Variants in TNFSF4 observed in about 807,000 individuals in gnomAD.
TNFSF4 encodes the protein tumor necrosis factor ligand superfamily member 4.
A neutral mutation model predicts 7.3 loss-of-function variants in TNFSF4; 4 were observed. The observed-to-expected ratio is 0.55, with a 90% CI of 0.27 to 1.25. The LOEUF is 1.25. Ranked by LOEUF, TNFSF4 falls within the 50% of genes most tolerant of loss-of-function variation. The pLI, the probability that TNFSF4 is intolerant of heterozygous loss-of-function variation, is 0.12. For synonymous variants in TNFSF4, 76 were observed against 83.7 expected, an observed-to-expected ratio of 0.91 and a Z score of 0.50; for missense variants, 181 against 208.8, an observed-to-expected ratio of 0.87 and a Z score of 0.82.
the TNFSF4 span, among the ~76,000 whole-genome samples, chr1:173,361,016 T>C: frequency 1.1e-4 from 16 of 152,228 alleles, no homozygotes; most frequent in African/African-American, 2.9e-4. Flanking sequence ...CCTGGAAAGA[T>C]AGAGAGATGA....
chr1:173,234,598 T>A, the TNFSF4 span, among the ~76,000 whole-genome samples: 1 of 152,072 alleles, frequency 6.6e-6, no homozygotes, highest in African/African-American at 2.4e-5. Context: ...ATATACCCCA[T>A]GGAATACTAT....
At chr1:173,244,288 A>G in the TNFSF4 span, among the ~76,000 whole-genome samples, 1 of 152,212 alleles carries the variant, frequency 6.6e-6, no homozygotes, top group Non-Finnish European at 1.5e-5. Flanking sequence ...AGACAGTGCA[A>G]CAGTTCCTAA....
At chr1:173,291,051 G>A in the TNFSF4 span, among the ~76,000 whole-genome samples, 1,201 of 152,280 alleles carry the variant, frequency 7.9e-3, 10 homozygotes, top group Non-Finnish European at 1.0e-2. Context: ...ACCTGTGGCT[G>A]AGTAATTTAT....
chr1:173,192,276 G>A (rs1649521199), intron 1 of TNFSF4, among the ~76,000 whole-genome samples: 1 of 152,196 alleles, frequency 6.6e-6, no homozygotes, highest in Non-Finnish European at 1.5e-5. Flanking sequence ...GATGTTTATA[G>A]CAGCTTTGTT....
the TNFSF4 span, among the ~76,000 whole-genome samples, chr1:173,444,573 A>T: frequency 1.3e-5 from 2 of 152,058 alleles, no homozygotes; most frequent in African/African-American, 4.8e-5. Context: ...ATCCCTTTAA[A>T]GGAAAACATA....
the TNFSF4 span, among the ~76,000 whole-genome samples, chr1:173,441,699 G>A: frequency 5.9e-5 from 9 of 152,288 alleles, no homozygotes; most frequent in South Asian, 1.5e-3. Context: ...TAAAGTGGGC[G>A]CTTTAAACAG....
chr1:173,270,890 T>C, the TNFSF4 span, among the ~76,000 whole-genome samples: 1 of 152,114 alleles, frequency 6.6e-6, no homozygotes, highest in African/African-American at 2.4e-5. Context: ...TACATACCAA[T>C]GGAGTAGAAC....
the TNFSF4 span, among the ~76,000 whole-genome samples, chr1:173,250,708 C>T: frequency 6.6e-6 from 1 of 152,128 alleles, no homozygotes; most frequent in African/African-American, 2.4e-5. Context: ...ATCCGCCCAC[C>T]TCGGCCTCCC....
the TNFSF4 span, among the ~76,000 whole-genome samples, chr1:173,331,226 G>A: frequency 1.3e-5 from 2 of 152,240 alleles, no homozygotes; most frequent in Admixed American, 6.5e-5. Flanking sequence ...AAGATGTATA[G>A]TCTCAGAATG....
chr1:173,419,166 C>T, the TNFSF4 span, among the ~76,000 whole-genome samples: 1 of 151,964 alleles, frequency 6.6e-6, no homozygotes, highest in Non-Finnish European at 1.5e-5. Flanking sequence ...GGTGAAACCC[C>T]ATCTCTACCA....
the TNFSF4 span, among the ~76,000 whole-genome samples, chr1:173,383,682 T>C: frequency 2.7e-5 from 4 of 150,650 alleles, no homozygotes; most frequent in Non-Finnish European, 4.4e-5. Flanking sequence ...AATCATACTG[T>C]AGATTTTTTT....
chr1:173,368,705 A>G, the TNFSF4 span, among the ~76,000 whole-genome samples: 1 of 152,064 alleles, frequency 6.6e-6, no homozygotes, highest in South Asian at 2.1e-4. Flanking sequence ...GGTCCCGACA[A>G]CAAGTTGGTT....
intron 1 of TNFSF4, among the ~76,000 whole-genome samples, chr1:173,188,841 TAGC>T (rs1474371679): frequency 1.3e-5 from 2 of 152,098 alleles, no homozygotes; most frequent in Non-Finnish European, 2.9e-5. Context: ...GCCTCCTGAG[TAGC>T]TGGGACTATA....
intron 1 of TNFSF4, among the ~76,000 whole-genome samples, chr1:173,191,508 G>A (rs1428902425): frequency 6.6e-6 from 1 of 152,150 alleles, no homozygotes; most frequent in African/African-American, 2.4e-5. Flanking sequence ...AGTGCCCAGA[G>A]ACACCCCCAC....
chr1:173,275,502 C>A, the TNFSF4 span, among the ~76,000 whole-genome samples: 1 of 152,148 alleles, frequency 6.6e-6, no homozygotes, highest in Admixed American at 6.5e-5. Context: ...TGCCTCTGAA[C>A]AAATCCACCT....
chr1:173,371,867 A>G, the TNFSF4 span, among the ~76,000 whole-genome samples: 3 of 152,200 alleles, frequency 2.0e-5, no homozygotes, highest in Admixed American at 6.5e-5. Flanking sequence ...AGGATCCCAC[A>G]GACCACACGT....
the TNFSF4 span, among the ~76,000 whole-genome samples, chr1:173,371,538 T>A: frequency 1.3e-5 from 2 of 152,132 alleles, no homozygotes; most frequent in East Asian, 3.9e-4. Context: ...TCAAAGGCAA[T>A]ATCCCTTAAG....
the TNFSF4 span, among the ~76,000 whole-genome samples, chr1:173,378,986 T>G: frequency 6.6e-6 from 1 of 151,668 alleles, no homozygotes; most frequent in African/African-American, 2.4e-5. Context: ...TTAAAGCAGA[T>G]CAAGGCAGAC....
At chr1:173,357,518 T>C in the TNFSF4 span, among the ~76,000 whole-genome samples, 1 of 151,448 alleles carries the variant, frequency 6.6e-6, no homozygotes, top group Non-Finnish European at 1.5e-5. Context: ...GAGTTCCTGT[T>C]GTGCTAACTC....
Sources: gnomAD v4.1 joint callset for allele counts (sites outside exome capture counted in the v4.1 genomes callset) on GRCh38, gnomAD v4.1.1 for gene constraint, MANE v1.5 for transcripts, NCBI Gene and HGNC (gene_info 2026-07-23, HGNC 2026-07-21) for gene names.